DMD: variants seen among roughly 807,000 people sequenced by gnomAD.
The protein encoded by DMD is mutant dystrophin.
Under a neutral mutation model 330.1 loss-of-function variants are expected in DMD, and 63 were observed. The observed-to-expected ratio is 0.19, with a 90% CI of 0.16 to 0.24. The LOEUF is 0.24. DMD is among the 10% of genes least tolerant of loss of function. The probability of loss-of-function intolerance (pLI) is 1.00; values close to 1 mark genes in which losing one functional copy is unlikely to be tolerated. For synonymous variants in DMD, 1,223 were observed against 959.8 expected (o/e 1.27, Z -5.07); for missense variants, 3,344 against 2,684.1 (o/e 1.25, Z -5.43).
chrX:33,297,455 T>C (rs2053600189), intron 1 of DMD, among the ~76,000 whole-genome samples: 1 of 110,899 alleles, frequency 9.0e-6, no homozygotes, highest in African/African-American at 3.3e-5. Context: ...AAAAATAGAA[T>C]TACCATGAGA....
At chrX:32,530,571 C>G (rs1428767258) in intron 17 of DMD, among the ~76,000 whole-genome samples, 1 of 111,769 alleles carries the variant, frequency 8.9e-6, no homozygotes, top group Non-Finnish European at 1.9e-5. Flanking sequence ...TTGAGAGAAA[C>G]AACCTTAAAA....
chrX:31,846,320 A>C (rs2093424956), intron 48 of DMD, among the ~76,000 whole-genome samples: 1 of 110,553 alleles, frequency 9.0e-6, no homozygotes, highest in Admixed American at 9.8e-5. Flanking sequence ...AAAATTCAGC[A>C]AACAGATTTA....
intron 1 of DMD, among the ~76,000 whole-genome samples, chrX:33,265,272 G>A (rs1394310576): frequency 1.8e-5 from 2 of 110,524 alleles, no homozygotes; most frequent in Admixed American, 9.7e-5. Flanking sequence ...CAACACACCC[G>A]GAGGGCTCTT....
chrX:31,434,816 T>C (rs1446475527), intron 60 of DMD, among the ~76,000 whole-genome samples: 1 of 112,124 alleles, frequency 8.9e-6, no homozygotes, highest in Non-Finnish European at 1.9e-5. Context: ...AAACAGGCAA[T>C]TCTTGAGATC....
chrX:31,362,565 G>C (rs1221498400), intron 60 of DMD, among the ~76,000 whole-genome samples: 1 of 112,737 alleles, frequency 8.9e-6, no homozygotes, highest in Non-Finnish European at 1.9e-5. Context: ...CTGGTCCCAA[G>C]CATTTTGGAT....
At chrX:31,325,563 G>A (rs192115478) in intron 61 of DMD, among the ~76,000 whole-genome samples, 54 of 110,409 alleles carry the variant, frequency 4.9e-4, no homozygotes, top group African/African-American at 1.7e-3. Flanking sequence ...GCAGTGAGCT[G>A]AAATCGCACC....
chrX:32,717,335 G>A (rs1240478331), intron 7 of DMD, among the ~76,000 whole-genome samples: 1 of 111,284 alleles, frequency 9.0e-6, no homozygotes, highest in Non-Finnish European at 1.9e-5. Flanking sequence ...AGACACTCCA[G>A]CTCCAGCTGT....
intron 29 of DMD, among the ~76,000 whole-genome samples, chrX:32,412,676 A>G (rs1430399341): frequency 9.0e-6 from 1 of 111,598 alleles, no homozygotes; most frequent in Non-Finnish European, 1.9e-5. Flanking sequence ...CACTTTTAAC[A>G]GAGTAGTTGT....
chrX:32,471,958 A>G (rs1303016348), intron 22 of DMD, among the ~76,000 whole-genome samples: 1 of 112,397 alleles, frequency 8.9e-6, no homozygotes, highest in Admixed American at 9.5e-5. Flanking sequence ...TGTTTTCAAA[A>G]ACAGCATGTA....
chrX:32,436,150 A>G (rs776364717), intron 29 of DMD, among the ~76,000 whole-genome samples: 17 of 112,239 alleles, frequency 1.5e-4, no homozygotes, highest in Non-Finnish European at 2.8e-4. Context: ...CACTTTCTAA[A>G]GAAGTTTGAA....
chrX:31,562,799 T>C (rs1206427991), intron 55 of DMD, among the ~76,000 whole-genome samples: 2 of 112,152 alleles, frequency 1.8e-5, no homozygotes, highest in Non-Finnish European at 3.8e-5. Context: ...TAACAAGGTA[T>C]ATTTTTTCCT....
At chrX:32,277,472 G>C (rs2097395022) in intron 43 of DMD, among the ~76,000 whole-genome samples, 1 of 111,455 alleles carries the variant, frequency 9.0e-6, no homozygotes, top group Non-Finnish European at 1.9e-5. Flanking sequence ...AGAATAAATG[G>C]ATCTAATATT....
In DMD at chrX:33,070,668, T is replaced by TCC. The variant is rs1298265580; in HGVS notation, c.32-50469_32-50468insGG. 8.8e-5 allele frequency among the ~76,000 whole-genome samples: 4 copies of TCC among 45,515 alleles called. No homozygotes were observed. The East Asian group carries it at 2.5e-3, about 29-fold the overall frequency. The allele number at this position is 45,515 out of a possible 115,157, so 39.5% of individuals were successfully genotyped here. A position where few individuals can be genotyped will look rare whatever the true frequency, so the allele number is the denominator to read the frequency against. On this transcript the variant is annotated intron_variant, in intron 1 of 78. Transcript: ENST00000357033. Reference sequence around the variant, plus strand: ...CTCTCTCTCTCTCTCTCTCTCTCTCTCTCTCTATATATATATATATATATA... The same window carrying TCC: ...CTCTCTCTCTCTCTCTCTCTCTCTCTCCCTCTCTATATATATATATATATATA...
intron 21 of DMD, 24 bp downstream of exon 21, chrX:32,484,895 A>G (rs748574372): frequency 3.3e-6 from 4 of 1,199,203 alleles, no homozygotes; most frequent in Non-Finnish European, 4.5e-6. Flanking sequence ...ATGTCAAGTT[A>G]GCCATTTTAG....
intron 7 of DMD, among the ~76,000 whole-genome samples, chrX:32,776,559 G>A (rs896313691): frequency 9.0e-6 from 1 of 110,980 alleles, no homozygotes; most frequent in African/African-American, 3.3e-5. Flanking sequence ...GGGCAGTGGG[G>A]TCGGGGGGAA....
At position 31,348,417 on chromosome X, in the gene DMD, T is replaced by G. The variant is rs1015784796; in HGVS notation, c.9163+139A>C. 9.8e-6 allele frequency: 6 copies of G among 612,079 alleles called. No individual in the cohort carries two copies. The African/African-American group carries it at 1.3e-4, about 14-fold the overall frequency. The allele number at this position is 612,079 out of a possible 1,213,427, so 50.4% of individuals were successfully genotyped here. A position where few individuals can be genotyped will look rare whatever the true frequency, so the allele number is the denominator to read the frequency against. On this transcript the variant is annotated intron_variant, in intron 61 of 78. Coordinates refer to ENST00000357033, the MANE Select transcript of DMD (RefSeq NM_004006.3). Reference sequence around the variant, plus strand: ...TTCTCAACTTATCAACCAAGTTATATTTCAGGATGATTTATGCTTCTACTG... The same window carrying G: ...TTCTCAACTTATCAACCAAGTTATAGTTCAGGATGATTTATGCTTCTACTG...
chrX:32,238,003 G>A (rs770077471), intron 43 of DMD, among the ~76,000 whole-genome samples: 2 of 111,691 alleles, frequency 1.8e-5, no homozygotes, highest in Non-Finnish European at 3.8e-5. Context: ...GTCTTTCTTG[G>A]TTTCTTTCTT....
At chrX:31,441,675 G>A (rs1268721369) in intron 60 of DMD, among the ~76,000 whole-genome samples, 1 of 112,056 alleles carries the variant, frequency 8.9e-6, no homozygotes, top group Admixed American at 9.5e-5. Flanking sequence ...TAATGGTGGT[G>A]GGCTCAAGCT....
chrX:32,765,490 C>A (rs186500673), intron 7 of DMD, among the ~76,000 whole-genome samples: 111 of 111,436 alleles, frequency 1.0e-3, no homozygotes, highest in Non-Finnish European at 1.9e-3. Flanking sequence ...GTACAGCCTA[C>A]AGAAATGTGA....
Sources: gnomAD v4.1 joint callset for allele counts (sites outside exome capture counted in the v4.1 genomes callset) on GRCh38, gnomAD v4.1.1 for gene constraint, MANE v1.5 for transcripts, NCBI Gene and HGNC (gene_info 2026-07-23, HGNC 2026-07-21) for gene names.